REDIC1: variants seen among roughly 807,000 people sequenced by gnomAD.
The protein encoded by REDIC1 is regulator of DNA class I crossover intermediates 1.
chr12:39,880,086 G>A, the REDIC1 span, among the ~76,000 whole-genome samples: 24 of 152,186 alleles, frequency 1.6e-4, no homozygotes, highest in East Asian at 3.5e-3. Flanking sequence ...GCCATGTGAC[G>A]TGACTGCTCC....
chr12:39,725,860 GC>G, the REDIC1 span, among the ~76,000 whole-genome samples: 1 of 151,970 alleles, frequency 6.6e-6, no homozygotes, highest in African/African-American at 2.4e-5. Flanking sequence ...AATTGAGGTA[GC>G]TGGTAGGTGT....
chr12:39,709,615 G>T, the REDIC1 span, among the ~76,000 whole-genome samples: 67,792 of 150,302 alleles, frequency 0.45, 16,122 homozygotes, highest in Non-Finnish European at 0.51. Flanking sequence ...TTGATGGCTT[G>T]TTTCACTTAG....
the REDIC1 span, among the ~76,000 whole-genome samples, chr12:39,678,279 C>A: frequency 1.3e-5 from 2 of 152,090 alleles, no homozygotes; most frequent in South Asian, 2.1e-4. Context: ...TACAGAAATA[C>A]AAACAATTAT....
chr12:39,832,748 T>C, the REDIC1 span, among the ~76,000 whole-genome samples: 1 of 152,108 alleles, frequency 6.6e-6, no homozygotes, highest in Non-Finnish European at 1.5e-5. Context: ...TTTAGCTTAC[T>C]GACCACTTCC....
At chr12:39,716,689 C>T in the REDIC1 span, 1 of 1,144,144 alleles carries the variant, frequency 8.7e-7, no homozygotes, top group Non-Finnish European at 1.2e-6. Flanking sequence ...ATATCTTCTG[C>T]CTGGCATATG....
chr12:39,818,575 C>T, the REDIC1 span, among the ~76,000 whole-genome samples: 2 of 152,056 alleles, frequency 1.3e-5, no homozygotes, highest in Non-Finnish European at 2.9e-5. Flanking sequence ...TGTGACATAG[C>T]CCAAGGTCAG....
the REDIC1 span, among the ~76,000 whole-genome samples, chr12:39,693,395 A>G: frequency 4.8e-5 from 7 of 146,558 alleles, no homozygotes; most frequent in Non-Finnish European, 7.5e-5. Flanking sequence ...TCCCTGCCCT[A>G]TTTCCTTCTG....
chr12:39,853,808 A>T, the REDIC1 span, among the ~76,000 whole-genome samples: 1 of 152,152 alleles, frequency 6.6e-6, no homozygotes, highest in African/African-American at 2.4e-5. Flanking sequence ...CCAGAATTTC[A>T]TTTATGTTAC....
At chr12:39,784,305 C>A in the REDIC1 span, among the ~76,000 whole-genome samples, 2 of 152,142 alleles carry the variant, frequency 1.3e-5, no homozygotes, top group South Asian at 4.1e-4. Context: ...GGAGGCATCA[C>A]GCTACCTGAC....
the REDIC1 span, among the ~76,000 whole-genome samples, chr12:39,889,984 A>G: frequency 6.6e-6 from 1 of 152,134 alleles, no homozygotes; most frequent in African/African-American, 2.4e-5. Context: ...AATATTTTAC[A>G]CTTCTACATA....
chr12:39,650,294 A>T, the REDIC1 span: 53 of 1,612,004 alleles, frequency 3.3e-5, no homozygotes, highest in Middle Eastern at 2.0e-3. This position sits in a 1 kb window ranked among gnomAD's most constrained non-coding sequence, Gnocchi z 4.3. Context: ...AAAAGTCAAG[A>T]TGTTTTCAGT....
the REDIC1 span, among the ~76,000 whole-genome samples, chr12:39,883,010 T>A: frequency 6.6e-6 from 1 of 152,186 alleles, no homozygotes; most frequent in Non-Finnish European, 1.5e-5. Context: ...TTTATTTACA[T>A]GAATGAATGG....
the REDIC1 span, among the ~76,000 whole-genome samples, chr12:39,669,329 G>C: frequency 1.3e-5 from 2 of 152,186 alleles, no homozygotes; most frequent in African/African-American, 4.8e-5. Context: ...TCCAGACCCT[G>C]TTTGCCTGGG....
At chr12:39,752,978 C>G in the REDIC1 span, among the ~76,000 whole-genome samples, 27 of 152,178 alleles carry the variant, frequency 1.8e-4, 1 homozygote, top group Non-Finnish European at 3.8e-4. Context: ...TCTGATTCAG[C>G]AGGTGGCGAG....
At chr12:39,896,290 A>G in the REDIC1 span, among the ~76,000 whole-genome samples, 85 of 99,184 alleles carry the variant, frequency 8.6e-4, 1 homozygote, top group East Asian at 0.017. Context: ...ATGTATGTAT[A>G]TGTGTGTATA....
the REDIC1 span, among the ~76,000 whole-genome samples, chr12:39,887,541 G>T: frequency 0.01 from 1,594 of 152,342 alleles, 23 homozygotes; most frequent in African/African-American, 0.035. Context: ...CTCACTCCTT[G>T]TGTGTATCAC....
At chr12:39,809,759 T>C in the REDIC1 span, among the ~76,000 whole-genome samples, 1 of 152,186 alleles carries the variant, frequency 6.6e-6, no homozygotes, top group Non-Finnish European at 1.5e-5. Flanking sequence ...ATGCGGTGTT[T>C]GGTTTTTTTG....
At chr12:39,865,968 A>T in the REDIC1 span, among the ~76,000 whole-genome samples, 6 of 152,138 alleles carry the variant, frequency 3.9e-5, no homozygotes, top group African/African-American at 1.4e-4. Context: ...TGTACACCAG[A>T]CCTCTGAGAT....
At chr12:39,682,685 T>C in the REDIC1 span, 1 of 1,612,218 alleles carries the variant, frequency 6.2e-7, no homozygotes, top group Non-Finnish European at 8.5e-7. Flanking sequence ...ACGGATGAAA[T>C]AAGACAGTCA....
Sources: allele counts gnomAD v4.1 joint callset (sites outside exome capture counted in the v4.1 genomes callset), GRCh38; gene constraint gnomAD v4.1.1; non-coding constraint Gnocchi (gnomAD v3.1); transcripts MANE v1.5; gene names NCBI Gene and HGNC (gene_info 2026-07-23, HGNC 2026-07-21).